ASNS: variants seen among roughly 807,000 people sequenced by gnomAD.
ASNS encodes asparagine synthetase [glutamine-hydrolyzing].
In ASNS, 37 loss-of-function variants were observed where a neutral mutation model predicts 62.6. The observed-to-expected ratio is 0.59, with a 90% confidence interval of 0.45 to 0.78. The LOEUF (loss-of-function observed/expected upper bound fraction) is 0.78. ASNS is among the 30% of genes least tolerant of loss of function. The probability of loss-of-function intolerance (pLI) is 0.00; values close to 1 mark genes in which losing one functional copy is unlikely to be tolerated. For synonymous variants in ASNS, 207 were observed against 237.9 expected, an observed-to-expected ratio of 0.87 and a Z score of 1.19; for missense variants, 520 against 682.4, an observed-to-expected ratio of 0.76 and a Z score of 2.65.
chr7:97,906,274 C>T, the ASNS span, among the ~76,000 whole-genome samples: 1 of 152,092 alleles, frequency 6.6e-6, no homozygotes, highest in South Asian at 2.1e-4. Flanking sequence ...ACCACCGTCG[C>T]CCTGCCATTG....
rs7792744 is a variant in ASNS, at chr7:97,858,659, T to C, written c.775+195A>G. ...TGACTCACTCTTAACACCAATAACA[T>C]AGCTATAGTGTAACTCAAGTTGGAG... On this transcript the variant is annotated intron_variant, in intron 6 of 12. Transcript: ENST00000394308. Among the ~76,000 whole-genome samples, 56,743 of 152,020 alleles carry C rather than the reference T, an allele frequency of 0.37. 10,850 individuals carry two copies. Among genetic ancestry groups the C allele is most frequent in the East Asian group, 0.56 (2,909 of 5,170 alleles).
At chr7:97,861,574 T>G (rs924153826) in intron 4 of ASNS, among the ~76,000 whole-genome samples, 4 of 152,224 alleles carry the variant, frequency 2.6e-5, no homozygotes, top group African/African-American at 7.2e-5. Flanking sequence ...TGTCTTGTAG[T>G]AAGTTTTAAA....
At position 97,856,806 on chromosome 7, in the gene ASNS, T is replaced by C; in HGVS notation, c.914A>G (p.His305Arg). ...GACTTCATAATGTTCACTTCCAATATGATCTGCCACCTTATTATATAAAGA... is the reference window on the plus strand; with the variant it reads ...GACTTCATAATGTTCACTTCCAATACGATCTGCCACCTTATTATATAAAGA... The part of the protein sequence containing the change: ...DLLAARKVAD[H>R]IGSEHYEVLF... Residue 305 changes from histidine to arginine, a missense_variant, in exon 8 of 13, where the codon CAT becomes CGT. Physicochemically the swap from His to Arg is conservative, Grantham distance 29. Transcript: ENST00000394308. 6.2e-7 allele frequency: 1 copy of C among 1,605,730 alleles called. No individual in the cohort carries two copies. The highest frequency in any genetic ancestry group is 8.5e-7 in the Non-Finnish European group (1 of 1,176,392).
At chr7:97,876,429 A>T (rs1365404530), upstream of ASNS, among the ~76,000 whole-genome samples, 22 of 137,262 alleles carry the variant, frequency 1.6e-4, no homozygotes, top group Non-Finnish European at 2.3e-4. Context: ...ACTCAAACAT[A>T]TTTTTTTTTT....
the ASNS span, among the ~76,000 whole-genome samples, chr7:97,921,664 G>A: frequency 1.7e-4 from 26 of 152,182 alleles, no homozygotes; most frequent in African/African-American, 6.0e-4. Context: ...ATCTCATGCC[G>A]AGGGACAAAG....
the ASNS span, among the ~76,000 whole-genome samples, chr7:97,911,260 A>T: frequency 2.6e-4 from 40 of 152,248 alleles, no homozygotes; most frequent in African/African-American, 8.9e-4. Flanking sequence ...TAGTTTTTAA[A>T]TCTATGTGAT....
At chr7:97,890,305 T>A in the ASNS span, among the ~76,000 whole-genome samples, 1 of 152,158 alleles carries the variant, frequency 6.6e-6, no homozygotes, top group Non-Finnish European at 1.5e-5. Context: ...GAAAACTTCC[T>A]GAATGCTTCC....
At chr7:97,911,907 T>C in the ASNS span, among the ~76,000 whole-genome samples, 3 of 152,324 alleles carry the variant, frequency 2.0e-5, no homozygotes, top group Middle Eastern at 6.8e-3. Context: ...CTAGTAAATG[T>C]GCCTCTAGAA....
the ASNS span, among the ~76,000 whole-genome samples, chr7:97,892,943 G>GCAA: frequency 4.1e-4 from 63 of 152,132 alleles, no homozygotes; most frequent in Non-Finnish European, 8.8e-5. Context: ...GTATCTTTTA[G>GCAA]CAACACCCCA....
chr7:97,922,676 G>A, the ASNS span, among the ~76,000 whole-genome samples: 1 of 152,126 alleles, frequency 6.6e-6, no homozygotes, highest in East Asian at 1.9e-4. Flanking sequence ...ATCACATCAT[G>A]TTGTACCCTC....
chr7:97,877,295 A>T (rs192001747), upstream of ASNS, among the ~76,000 whole-genome samples: 1 of 151,974 alleles, frequency 6.6e-6, no homozygotes, highest in South Asian at 2.1e-4. Context: ...GGGTTTTACC[A>T]TGTTGGCCAG....
At chr7:97,861,529 T>A (rs923549926) in intron 4 of ASNS, among the ~76,000 whole-genome samples, 2 of 152,206 alleles carry the variant, frequency 1.3e-5, no homozygotes, top group Non-Finnish European at 2.9e-5. Context: ...TATACATCTA[T>A]CCTTCTGTCA....
chr7:97,855,528 T>A (rs1174929856), intron 8 of ASNS, 69 bp from the exon 9 acceptor site: 6 of 1,184,856 alleles, frequency 5.1e-6, no homozygotes, highest in Admixed American at 1.8e-5. Flanking sequence ...TTTGATTTGA[T>A]TTTTGGAAAT....
chr7:97,878,018 G>C, the ASNS span, among the ~76,000 whole-genome samples: 2 of 152,194 alleles, frequency 1.3e-5, no homozygotes, highest in Non-Finnish European at 2.9e-5. Flanking sequence ...AGATGATCAC[G>C]GATGAGAGCA....
the ASNS span, among the ~76,000 whole-genome samples, chr7:97,900,700 A>T: frequency 6.6e-6 from 1 of 152,202 alleles, no homozygotes; most frequent in Admixed American, 6.5e-5. Flanking sequence ...AAATGACTTC[A>T]TCAGTTGCTC....
the ASNS span, among the ~76,000 whole-genome samples, chr7:97,925,870 G>A: frequency 3.9e-5 from 6 of 152,186 alleles, no homozygotes; most frequent in Non-Finnish European, 7.3e-5. Flanking sequence ...ACCTAGGAGA[G>A]ACTTGTCTCC....
the ASNS span, chr7:97,928,100 T>C: frequency 5.6e-3 from 8,541 of 1,521,094 alleles, 6 homozygotes; most frequent in Non-Finnish European, 6.9e-3. Flanking sequence ...CGTCGCCACC[T>C]GTCTGGGTGC....
At chr7:97,895,082 C>T in the ASNS span, among the ~76,000 whole-genome samples, 1 of 152,248 alleles carries the variant, frequency 6.6e-6, no homozygotes, top group African/African-American at 2.4e-5. Context: ...CAAATCAATA[C>T]ATGTGATACA....
At chr7:97,879,743 C>T in the ASNS span, among the ~76,000 whole-genome samples, 833 of 152,318 alleles carry the variant, frequency 5.5e-3, 12 homozygotes, top group African/African-American at 0.019. Flanking sequence ...AGCTGAGTCA[C>T]GCTGGATTCC....
Sources: gnomAD v4.1 joint callset for allele counts (sites outside exome capture counted in the v4.1 genomes callset) on GRCh38, gnomAD v4.1.1 for gene constraint, MANE v1.5 for transcripts, NCBI Gene and HGNC (gene_info 2026-07-23, HGNC 2026-07-21) for gene names.